ULK4: variants seen among roughly 807,000 people sequenced by gnomAD.
ULK4 encodes inactive serine/threonine-protein kinase ULK4.
ULK4 carries 133 observed loss-of-function variants against 160.6 expected under a neutral mutation model. That is an observed-to-expected ratio of 0.83 (90% CI 0.72 to 0.96). The LOEUF (loss-of-function observed/expected upper bound fraction) is 0.96, where lower values mean the gene tolerates loss of function less well. Among genes scored for constraint, ULK4 ranks in the 40% least tolerant of loss-of-function variants. The probability of loss-of-function intolerance (pLI) is 0.00; values close to 1 mark genes in which losing one functional copy is unlikely to be tolerated. For synonymous variants in ULK4, 534 were observed against 539.8 expected (o/e 0.99, Z 0.15); for missense variants, 1,580 against 1,499.5 (o/e 1.05, Z -0.89).
intron 30 of ULK4, among the ~76,000 whole-genome samples, chr3:41,643,948 G>C (rs1283674250): frequency 6.6e-6 from 1 of 151,974 alleles, no homozygotes; most frequent in African/African-American, 2.4e-5. Context: ...TATTCTCTTT[G>C]AAGCAATTGT....
intron 32 of ULK4, among the ~76,000 whole-genome samples, chr3:41,559,496 T>C (rs2087472729): frequency 7.1e-6 from 1 of 141,618 alleles, no homozygotes; most frequent in Non-Finnish European, 1.6e-5. Flanking sequence ...CCACCAACAG[T>C]GTAAAGGTGT....
At chr3:41,932,305 C>A (rs1716650) in intron 4 of ULK4, among the ~76,000 whole-genome samples, 131,717 of 152,198 alleles carry the variant, frequency 0.87, 58,972 homozygotes, top group Non-Finnish European at 0.98. Flanking sequence ...AACAATCTGC[C>A]CTTGCCAACT....
chr3:41,551,673 G>A lies in ULK4; in HGVS notation c.3226+14352C>T, dbSNP rs150017149. Among the ~76,000 whole-genome samples, 706 of 152,032 alleles carry A rather than the reference G, an allele frequency of 4.6e-3. 4 individuals are homozygous for A. Among genetic ancestry groups the A allele is most frequent in the Non-Finnish European group, 8.0e-3 (544 of 67,898 alleles). ...AAGTCCAGGACCAGATCACTTCACT[G>A]CCCAATTCTACCAAACTTTCAAAGA... On this transcript the variant is annotated intron_variant, in intron 32 of 36. Transcript: ENST00000301831.
chr3:41,533,521 T>C (rs2086394192), intron 32 of ULK4, among the ~76,000 whole-genome samples: 2 of 152,308 alleles, frequency 1.3e-5, no homozygotes, highest in South Asian at 4.1e-4. Context: ...TTTGAATTAG[T>C]TATTGGACAG....
chr3:41,649,059 CAG>C (rs2034628898), intron 30 of ULK4, among the ~76,000 whole-genome samples: 1 of 151,376 alleles, frequency 6.6e-6, no homozygotes, highest in South Asian at 2.1e-4. Flanking sequence ...GCCCAGGATG[CAG>C]AGTTTACAGT....
At chr3:41,450,839 C>A (rs1461602215) in intron 34 of ULK4, among the ~76,000 whole-genome samples, 1 of 152,144 alleles carries the variant, frequency 6.6e-6, no homozygotes, top group Non-Finnish European at 1.5e-5. Flanking sequence ...GTGTTCTTGT[C>A]ACAGGCCATT....
intron 30 of ULK4, among the ~76,000 whole-genome samples, chr3:41,659,397 A>T (rs998376400): frequency 6.6e-6 from 1 of 152,242 alleles, no homozygotes; most frequent in African/African-American, 2.4e-5. Context: ...TGGTTTGAAA[A>T]GTAGCATTGC....
At chr3:41,953,304 A>ATATTTT (rs1181182812) in intron 2 of ULK4, among the ~76,000 whole-genome samples, 1 of 124,816 alleles carries the variant, frequency 8.0e-6, no homozygotes, top group Non-Finnish European at 1.6e-5. Flanking sequence ...ATATATATAT[A>ATATTTT]TTTTTTTTTT....
intron 18 of ULK4, among the ~76,000 whole-genome samples, chr3:41,831,418 GTT>G (rs35015207): frequency 7.3e-5 from 10 of 137,546 alleles, no homozygotes; most frequent in Non-Finnish European, 7.8e-5. Context: ...TATACTAGTC[GTT>G]TTTTTTTTTT....
chr3:41,559,967 CCTAGGTTTTCTT>C (rs1308030135), intron 32 of ULK4, among the ~76,000 whole-genome samples: 8 of 152,128 alleles, frequency 5.3e-5, no homozygotes, highest in African/African-American at 1.9e-4. Flanking sequence ...AATGGTATTG[CCTAGGTTTTCTT>C]CTAGGGTTTT....
intron 1 of ULK4, among the ~76,000 whole-genome samples, chr3:41,959,395 C>T (rs1367772903): frequency 1.3e-5 from 2 of 149,178 alleles, no homozygotes; most frequent in East Asian, 2.0e-4. Flanking sequence ...GGCATGGTGG[C>T]GGGCGCCTGT....
At chr3:41,450,869 A>T (rs1197866746) in intron 34 of ULK4, among the ~76,000 whole-genome samples, 1 of 152,186 alleles carries the variant, frequency 6.6e-6, no homozygotes, top group East Asian at 1.9e-4. Context: ...AATGGTTCCA[A>T]TGATAAATGT....
intron 17 of ULK4, among the ~76,000 whole-genome samples, chr3:41,863,386 A>T (rs935549592): frequency 6.6e-6 from 1 of 151,898 alleles, no homozygotes; most frequent in African/African-American, 2.4e-5. Context: ...AATGCCATCC[A>T]AGAGTCAAGT....
chr3:41,675,509 G>C (rs2035682435), intron 29 of ULK4, among the ~76,000 whole-genome samples: 1 of 152,058 alleles, frequency 6.6e-6, no homozygotes, highest in African/African-American at 2.4e-5. Context: ...AGAATCTCTT[G>C]AACCTGGGAG....
At chr3:41,860,565 G>A (rs538968421) in intron 17 of ULK4, among the ~76,000 whole-genome samples, 77 of 152,094 alleles carry the variant, frequency 5.1e-4, no homozygotes, top group Middle Eastern at 3.4e-3. Context: ...GGTTTCCACT[G>A]GCATGGAATA....
intron 17 of ULK4, among the ~76,000 whole-genome samples, chr3:41,873,420 T>C (rs1317907857): frequency 1.3e-5 from 2 of 152,192 alleles, no homozygotes; most frequent in Non-Finnish European, 1.5e-5. Flanking sequence ...AAAGTATTAC[T>C]ATTTCAGGAT....
chr3:41,834,894 A>G lies in ULK4; in HGVS notation c.1764+970T>C, dbSNP rs547478469. ...CCCCATCTTCACAAAATATACAAAA[A>G]ATTAGCCAGGCACGGAGGTGCATAC... is the stretch of plus-strand genomic sequence containing the variant. On this transcript the variant is annotated intron_variant, in intron 18 of 36. Coordinates refer to ENST00000301831, the MANE Select transcript of ULK4 (RefSeq NM_017886.4). Among the ~76,000 whole-genome samples, 202 of 151,972 alleles carry G rather than the reference A, an allele frequency of 1.3e-3. 3 individuals carry two copies. Among genetic ancestry groups the G allele is most frequent in the African/African-American group, 4.7e-3 (193 of 41,456 alleles).
rs71094650 is a variant in ULK4 at position 41,470,018 on chromosome 3, G to GAAAAAAAAAAAAAAAAAAAAA, written c.3227-6786_3227-6766dup. 4.6e-4 allele frequency among the ~76,000 whole-genome samples: 21 copies of GAAAAAAAAAAAAAAAAAAAAA among 45,978 alleles called. 2 individuals carry two copies. Among genetic ancestry groups the GAAAAAAAAAAAAAAAAAAAAA allele is most frequent in the South Asian group, 1.1e-3 (1 of 922 alleles). The allele number at this position is 45,978 out of a possible 152,430, so 30.2% of individuals were successfully genotyped here. ...GAGGAATTCAAGAAGAAACAGAACA[G>GAAAAAAAAAAAAAAAAAAAAA]AAAAAAAAAAAAAAAAAAAAAAAAA... is the stretch of plus-strand genomic sequence containing the variant. On this transcript the variant is annotated intron_variant, in intron 32 of 36. Transcript: ENST00000301831.
intron 32 of ULK4, among the ~76,000 whole-genome samples, chr3:41,507,058 T>G (rs2085419730): frequency 1.4e-5 from 2 of 148,052 alleles, no homozygotes; most frequent in African/African-American, 5.0e-5. Flanking sequence ...CCTGGTTAAA[T>G]GGATGTGCCA....
Sources: gnomAD v4.1 joint callset for allele counts (sites outside exome capture counted in the v4.1 genomes callset) on GRCh38, gnomAD v4.1.1 for gene constraint, MANE v1.5 for transcripts, NCBI Gene and HGNC (gene_info 2026-07-23, HGNC 2026-07-21) for gene names.